MUSK: variants seen among roughly 807,000 people sequenced by gnomAD.
MUSK encodes the protein muscle, skeletal receptor tyrosine-protein kinase.
In MUSK, 55 loss-of-function variants were observed where a neutral mutation model predicts 88.7. The observed-to-expected ratio is 0.62, with a 90% confidence interval of 0.50 to 0.78. MUSK has a LOEUF of 0.78. Among genes scored for constraint, MUSK ranks in the 30% least tolerant of loss-of-function variants. The pLI, the probability that MUSK is intolerant of heterozygous loss-of-function variation, is 0.00. For synonymous variants in MUSK, 387 were observed against 391.9 expected (o/e 0.99, Z 0.15); for missense variants, 1,015 against 1,074.3 (o/e 0.94, Z 0.77).
chr9:110,678,448 G>A (rs1365549792), intron 1 of MUSK, among the ~76,000 whole-genome samples: 3 of 151,980 alleles, frequency 2.0e-5, no homozygotes, highest in Non-Finnish European at 1.5e-5. Context: ...CTGGCTCCTT[G>A]TAGCTTTTAT....
intron 1 of MUSK, among the ~76,000 whole-genome samples, chr9:110,676,527 A>G (rs537347801): frequency 2.0e-5 from 3 of 151,848 alleles, no homozygotes; most frequent in East Asian, 1.9e-4. Flanking sequence ...TGTATTAGCT[A>G]TTTTTCATAA....
intron 3 of MUSK, among the ~76,000 whole-genome samples, chr9:110,689,707 ATAAC>A (rs376866809): frequency 1.3e-3 from 48 of 36,114 alleles, no homozygotes; most frequent in African/African-American, 2.9e-3. Flanking sequence ...ATATAAATAT[ATAAC>A]TATATATGTT....
At chr9:110,707,031 CAAAT>C (rs1460689247) in intron 5 of MUSK, among the ~76,000 whole-genome samples, 1 of 131,900 alleles carries the variant, frequency 7.6e-6, no homozygotes. Flanking sequence ...GAGAGAGAAA[CAAAT>C]AAAGAGAGAG....
chr9:110,680,587 T>C (rs59606099), intron 1 of MUSK, among the ~76,000 whole-genome samples: 3,316 of 151,866 alleles, frequency 0.022, 121 homozygotes, highest in African/African-American at 0.076. Context: ...GGTTTCACCA[T>C]GTTAGCCAGG....
At chr9:110,731,552 C>A (rs1443903118) in intron 5 of MUSK, among the ~76,000 whole-genome samples, 1 of 152,032 alleles carries the variant, frequency 6.6e-6, no homozygotes, top group Non-Finnish European at 1.5e-5. Flanking sequence ...GAGAAAGCAG[C>A]TTCCCTTTAA....
chr9:110,751,075 G>GT (rs1564265284), intron 7 of MUSK, among the ~76,000 whole-genome samples: 1 of 152,134 alleles, frequency 6.6e-6, no homozygotes, highest in African/African-American at 2.4e-5. Flanking sequence ...TATAACCACT[G>GT]AGGGGAACCT....
rs374456998 is a variant in MUSK at position 110,668,916 on chromosome 9, C to T, written c.12C>T (p.Leu4=). 9.3e-6 allele frequency: 15 copies of T among 1,613,416 alleles called. No individual in the cohort carries two copies. The highest frequency in any genetic ancestry group is 5.0e-5 in the Admixed American group (3 of 59,974). The change falls in exon 1 of 15, where the codon CTC becomes CTT. Residue 4 remains leucine, a synonymous_variant. Transcript: ENST00000374448. ...AGCCTGGATTAATCATGAGAGAGCT[C>T]GTCAACATTCCACTGGTACATATTC... MRE[L]VNIPLVHILT... is the part of the protein sequence containing the mutation.
chr9:110,676,551 C>T (rs1020522141), intron 1 of MUSK, among the ~76,000 whole-genome samples: 19 of 151,944 alleles, frequency 1.3e-4, no homozygotes, highest in African/African-American at 4.4e-4. Context: ...TCTCCCTCCC[C>T]CAATCCCACC....
chr9:110,733,573 CT>C (rs5899913), intron 5 of MUSK, among the ~76,000 whole-genome samples: 319 of 143,878 alleles, frequency 2.2e-3, no homozygotes, highest in Middle Eastern at 0.01. Context: ...CTAAAATATC[CT>C]TTTTTTTTTT....
intron 7 of MUSK, among the ~76,000 whole-genome samples, chr9:110,753,323 T>C (rs1409057220): frequency 6.6e-6 from 1 of 151,896 alleles, no homozygotes; most frequent in African/African-American, 2.4e-5. Context: ...TCCCAGCTAC[T>C]TGGGAGGCCG....
intron 6 of MUSK, among the ~76,000 whole-genome samples, chr9:110,735,561 G>A (rs1340672014): frequency 1.3e-5 from 2 of 152,072 alleles, no homozygotes; most frequent in Non-Finnish European, 1.5e-5. Flanking sequence ...GAAAGGTAGT[G>A]GGGAAGGGAG....
At chr9:110,719,703 T>G (rs10739310) in intron 5 of MUSK, among the ~76,000 whole-genome samples, 127,414 of 151,980 alleles carry the variant, frequency 0.84, 53,813 homozygotes, top group East Asian at 0.93. Flanking sequence ...AGTCAACAAA[T>G]AAACAATGGA....
rs1587959317 is a variant in MUSK at position 110,726,050 on chromosome 9, C to A, written c.629-8201C>A. On this transcript the variant is annotated intron_variant, in intron 5 of 14. Coordinates refer to ENST00000374448, the MANE Select transcript of MUSK (RefSeq NM_005592.4). ...CTATAGACTTTTCTTGCATAATTTT[C>A]TCTAATTTAAAGTAACCTCAATTGT... 2.6e-5 allele frequency among the ~76,000 whole-genome samples: 4 copies of A among 152,030 alleles called. No individual in the cohort carries two copies. In the South Asian group the frequency reaches 8.3e-4, roughly 32 times the overall value.
intron 11 of MUSK, among the ~76,000 whole-genome samples, chr9:110,780,313 T>C (rs2077731022): frequency 6.6e-6 from 1 of 152,204 alleles, no homozygotes; most frequent in Non-Finnish European, 1.5e-5. Context: ...GCCCACCCCA[T>C]GGGACTTTCA....
intron 7 of MUSK, among the ~76,000 whole-genome samples, chr9:110,749,240 A>G (rs937810066): frequency 7.9e-5 from 12 of 152,192 alleles, no homozygotes; most frequent in African/African-American, 1.9e-4. Context: ...ATCTAGAAGG[A>G]AGTCAGTCAG....
At position 110,775,821 on chromosome 9, in the gene MUSK, C is replaced by A. The variant is rs368395413; in HGVS notation, c.1218C>A (p.Cys406Ter). Residue 406 changes from cysteine (C) to a stop codon, truncating the protein, a stop_gained, in exon 10 of 15, where the codon TGC becomes TGA. Coordinates refer to ENST00000374448, the MANE Select transcript of MUSK (RefSeq NM_005592.4). LOFTEE classifies it high-confidence loss of function. ...EYCLAVKELF[C>*]AKEWLVMEEK... ...GCTTGGCAGTAAAGGAGCTCTTCTG[C>A]GCAAAAGAATGGCTGGTAATGGAAG... 6 of 1,613,770 alleles carry A rather than the reference C, an allele frequency of 3.7e-6. No homozygotes were observed. Among genetic ancestry groups the A allele is most frequent in the East Asian group, 4.5e-5 (2 of 44,874 alleles).
chr9:110,760,343 A>G (rs376807326), intron 7 of MUSK, among the ~76,000 whole-genome samples: 2 of 152,320 alleles, frequency 1.3e-5, no homozygotes, highest in South Asian at 4.1e-4. Context: ...GGACAAAGGA[A>G]ATGTGGCACA....
At chr9:110,787,302 C>G (rs77586748) in intron 13 of MUSK, among the ~76,000 whole-genome samples, 4,174 of 137,070 alleles carry the variant, frequency 0.03, 217 homozygotes, top group African/African-American at 0.11. Context: ...GTGGAGCTTG[C>G]AGTGAGCCTA....
In MUSK at chr9:110,768,074, C is replaced by A. The variant is rs774282945; in HGVS notation, c.1175C>A (p.Pro392His). The A allele has an allele frequency of 8.2e-6, 13 of 1,592,280 alleles. No homozygotes were observed. Among genetic ancestry groups the A allele is most frequent in the African/African-American group, 1.3e-5 (1 of 74,106 alleles). ...CSPGVVPTPI[P>H]ICREYCLAVK... ...CCTGGAGTAGTGCCTACTCCTATTC[C>A]CATTTGCAGGTAAAATCTCAAAAAT... Residue 392 changes from proline to histidine, a missense_variant, in exon 9 of 15, where the codon CCC (proline) becomes CAC (histidine). Coordinates refer to ENST00000374448, the MANE Select transcript of MUSK (RefSeq NM_005592.4).
Sources: allele counts gnomAD v4.1 joint callset (sites outside exome capture counted in the v4.1 genomes callset), GRCh38; gene constraint gnomAD v4.1.1; transcripts MANE v1.5; gene names NCBI Gene and HGNC (gene_info 2026-07-23, HGNC 2026-07-21).